Variants in SEL1L2 observed in about 807,000 individuals in gnomAD.
SEL1L2 encodes the protein protein sel-1 homolog 2.
Under a neutral mutation model 98.8 loss-of-function variants are expected in SEL1L2, and 89 were observed. The observed-to-expected ratio is 0.90, with a 90% CI of 0.76 to 1.07. The LOEUF (loss-of-function observed/expected upper bound fraction) is 1.07, where lower values mean the gene tolerates loss of function less well. SEL1L2 is among the 50% of genes least tolerant of loss of function. SEL1L2 has a pLI of 0.00. For missense variants in SEL1L2, 788 were observed against 812.0 expected (o/e 0.97, Z 0.36); for synonymous variants, 262 against 278.5 (o/e 0.94, Z 0.59).
At chr20:13,850,129 G>A in intron 19 of SEL1L2, 62 bp downstream of exon 19, 1 of 1,596,714 alleles carries the variant, frequency 6.3e-7, no homozygotes, top group African/African-American at 1.3e-5. Context: ...TTGTCACTTT[G>A]TCCCTAAGAG....
At chr20:13,875,972 C>T (rs2046408095) in intron 12 of SEL1L2, 66 bp downstream of exon 12, 3 of 1,239,908 alleles carry the variant, frequency 2.4e-6, no homozygotes, top group Admixed American at 1.7e-5. Flanking sequence ...AATTCTTTGG[C>T]ACCAGTCTGC....
chr20:13,939,656 A>T (rs2049649884), intron 2 of SEL1L2, among the ~76,000 whole-genome samples: 1 of 59,196 alleles, frequency 1.7e-5, no homozygotes, highest in Non-Finnish European at 3.2e-5. Context: ...GGAATGAAAC[A>T]CCCTTATTCT....
In SEL1L2 at chr20:13,908,983, G is replaced by A. The variant is rs575038914; in HGVS notation, c.549+4799C>T. Among the ~76,000 whole-genome samples the A allele has an allele frequency of 6.6e-4, 99 of 149,284 alleles. 1 individual carries two copies. The highest frequency in any genetic ancestry group is 2.4e-3 in the African/African-American group (93 of 38,832). On this transcript the variant is annotated intron_variant, in intron 5 of 19. Transcript: ENST00000284951. ...TTTTTGTTCTTGTTATTGTTAAATA[G>A]GGTCCCTACCAGACCTCTGGCACTC...
upstream of SEL1L2, chr20:13,995,117 C>G (rs1007920053): frequency 1.3e-5 from 2 of 158,230 alleles, no homozygotes; most frequent in Non-Finnish European, 2.8e-5. This position sits in a 1 kb window ranked among gnomAD's most constrained non-coding sequence, Gnocchi z 4.3. Context: ...CTCCAAGTCC[C>G]TGAGGCGGCT....
intron 5 of SEL1L2, among the ~76,000 whole-genome samples, chr20:13,894,615 T>A (rs938204103): frequency 1.3e-5 from 2 of 151,874 alleles, no homozygotes; most frequent in African/African-American, 4.8e-5. Flanking sequence ...TTTAGCTAGA[T>A]CAACAAGACA....
chr20:13,861,102 G>A (rs942640782), intron 17 of SEL1L2, among the ~76,000 whole-genome samples: 1 of 152,046 alleles, frequency 6.6e-6, no homozygotes, highest in African/African-American at 2.4e-5. Context: ...ACTACAATAG[G>A]CTTCAAACCC....
At chr20:13,855,709 T>G (rs776860242) in intron 18 of SEL1L2, among the ~76,000 whole-genome samples, 10 of 152,200 alleles carry the variant, frequency 6.6e-5, no homozygotes, top group Non-Finnish European at 1.5e-4. Context: ...TCCTGGCGCC[T>G]TCAGCCAATG....
chr20:13,983,368 G>A (rs2051962687), intron 1 of SEL1L2, among the ~76,000 whole-genome samples: 1 of 152,048 alleles, frequency 6.6e-6, no homozygotes, highest in South Asian at 2.1e-4. Context: ...AAGCTTGCAA[G>A]GTGTATCTGA....
intron 10 of SEL1L2, among the ~76,000 whole-genome samples, chr20:13,884,020 G>T (rs915266883): frequency 6.6e-6 from 1 of 152,126 alleles, no homozygotes. Flanking sequence ...CTTGGGGTGC[G>T]TATGCTTATT....
In SEL1L2 at chr20:13,959,658, A is replaced by G. The variant is rs1227282025; in HGVS notation, c.59-3527T>C. ...AACATCTTGACAACTTTTTGCAGGG[A>G]AAATGCCTCTACAACCAGCAAGATT... On this transcript the variant is annotated intron_variant, in intron 1 of 19. Coordinates refer to ENST00000284951, the MANE Select transcript of SEL1L2 (RefSeq NM_025229.2). Among the ~76,000 whole-genome samples, 3 of 152,208 alleles carry G rather than the reference A, an allele frequency of 2.0e-5. No individual in the cohort carries two copies. In the East Asian group the frequency reaches 5.8e-4, roughly 29 times the overall value.
intron 5 of SEL1L2, among the ~76,000 whole-genome samples, chr20:13,906,951 T>G (rs936728416): frequency 1.1e-4 from 17 of 152,188 alleles, no homozygotes; most frequent in African/African-American, 4.1e-4. Context: ...AATGCTGGGA[T>G]TACAGGCATG....
chr20:13,905,052 G>C (rs1409169731), intron 5 of SEL1L2, among the ~76,000 whole-genome samples: 1 of 152,124 alleles, frequency 6.6e-6, no homozygotes, highest in African/African-American at 2.4e-5. Flanking sequence ...GTATTCCTCA[G>C]TATAAAGCTC....
At chr20:13,916,726 A>C (rs2048420054) in intron 4 of SEL1L2, among the ~76,000 whole-genome samples, 1 of 152,032 alleles carries the variant, frequency 6.6e-6, no homozygotes, top group African/African-American at 2.4e-5. Flanking sequence ...GAATCGCTTG[A>C]ACTGGGGAGG....
At chr20:13,964,199 T>C (rs999343081) in intron 1 of SEL1L2, among the ~76,000 whole-genome samples, 3 of 152,104 alleles carry the variant, frequency 2.0e-5, no homozygotes, top group African/African-American at 7.2e-5. Context: ...TTAAATGTCA[T>C]CAATCAAGCT....
At chr20:13,873,332 G>C (rs1270907480) in intron 12 of SEL1L2, among the ~76,000 whole-genome samples, 1 of 151,652 alleles carries the variant, frequency 6.6e-6, no homozygotes, top group Admixed American at 6.6e-5. Context: ...TTTAGATTTG[G>C]ATGTGAATTT....
intron 5 of SEL1L2, among the ~76,000 whole-genome samples, chr20:13,899,345 C>T (rs1404014145): frequency 6.6e-6 from 1 of 152,102 alleles, no homozygotes; most frequent in Non-Finnish European, 1.5e-5. Context: ...ATTAAATGCT[C>T]TCAGTTTACT....
intron 13 of SEL1L2, 95 bp from the exon 14 acceptor site, chr20:13,869,685 C>T: frequency 1.2e-6 from 1 of 852,760 alleles, no homozygotes; most frequent in Non-Finnish European, 2.0e-6. Context: ...AGACAGTGCC[C>T]TATGTGATTT....
At chr20:13,913,675 G>C (rs1275359266) in intron 5 of SEL1L2, 107 bp downstream of exon 5, 1 of 1,044,688 alleles carries the variant, frequency 9.6e-7, no homozygotes, top group Non-Finnish European at 1.3e-6. Flanking sequence ...CCCTAGACTG[G>C]GTTCATGCAG....
intron 2 of SEL1L2, among the ~76,000 whole-genome samples, chr20:13,937,257 C>A (rs954634967): frequency 6.6e-6 from 1 of 152,194 alleles, no homozygotes; most frequent in Admixed American, 6.5e-5. Context: ...AGTAATAAGA[C>A]AGCCAAATGC....
Sources: allele counts gnomAD v4.1 joint callset (sites outside exome capture counted in the v4.1 genomes callset), GRCh38; gene constraint gnomAD v4.1.1; non-coding constraint Gnocchi (gnomAD v3.1); transcripts MANE v1.5; gene names NCBI Gene and HGNC (gene_info 2026-07-23, HGNC 2026-07-21).